The following CHST9 variants were observed in gnomAD, a reference collection of about 807,000 sequenced individuals.
CHST9 encodes the protein carbohydrate sulfotransferase 9, also known as GalNAc-4-sulfotransferase 2.
CHST9 carries 41 observed loss-of-function variants against 44.4 expected under a neutral mutation model. The observed-to-expected ratio is 0.92, with a 90% CI of 0.72 to 1.20. CHST9 has a LOEUF of 1.20. CHST9 is among the 50% of genes most tolerant of loss of function. The pLI is 0.00. For synonymous variants in CHST9, 171 were observed against 178.4 expected (o/e 0.96, Z 0.33); for missense variants, 504 against 516.5 (o/e 0.98, Z 0.23).
intron 4 of CHST9, among the ~76,000 whole-genome samples, chr18:26,968,371 G>A (rs1203782104): frequency 6.6e-6 from 1 of 152,094 alleles, no homozygotes; most frequent in Admixed American, 6.5e-5. Context: ...CTTTGAAACT[G>A]TTGGCATTGC....
chr18:27,000,742 C>T (rs2056942772), intron 4 of CHST9, among the ~76,000 whole-genome samples: 1 of 151,956 alleles, frequency 6.6e-6, no homozygotes, highest in Non-Finnish European at 1.5e-5. Flanking sequence ...TAAAATTTAC[C>T]TTTCCCCTAA....
At chr18:26,956,611 T>G (rs556338449) in intron 4 of CHST9, among the ~76,000 whole-genome samples, 99 of 152,042 alleles carry the variant, frequency 6.5e-4, no homozygotes, top group African/African-American at 2.0e-3. Flanking sequence ...ATGACAATAT[T>G]CTCTGGCCTA....
At chr18:27,006,622 C>A (rs80078691) in intron 4 of CHST9, among the ~76,000 whole-genome samples, 23,901 of 152,148 alleles carry the variant, frequency 0.16, 2,079 homozygotes, top group East Asian at 0.26. Flanking sequence ...TTCCCGTCTG[C>A]AGTTGCAGCT....
At chr18:26,977,896 G>A (rs1201020848) in intron 4 of CHST9, among the ~76,000 whole-genome samples, 1 of 152,020 alleles carries the variant, frequency 6.6e-6, no homozygotes, top group Non-Finnish European at 1.5e-5. Context: ...AGGGCATGAT[G>A]CGTGCACCAC....
intron 1 of CHST9, among the ~76,000 whole-genome samples, chr18:27,161,924 T>G (rs991483477): frequency 1.3e-5 from 2 of 151,926 alleles, no homozygotes; most frequent in African/African-American, 4.8e-5. Context: ...GAGACTAGGA[T>G]TGCAACCCCT....
chr18:27,013,060 C>A (rs900426775), intron 4 of CHST9, among the ~76,000 whole-genome samples: 7 of 152,284 alleles, frequency 4.6e-5, no homozygotes, highest in African/African-American at 1.2e-4. Context: ...AGATCTAATT[C>A]TTTCATTACT....
At chr18:27,077,193 T>G (rs1184478451) in intron 2 of CHST9, among the ~76,000 whole-genome samples, 4 of 152,228 alleles carry the variant, frequency 2.6e-5, no homozygotes, top group African/African-American at 9.6e-5. Flanking sequence ...TTTTCTTTAC[T>G]AATGTTTAGA....
intron 2 of CHST9, among the ~76,000 whole-genome samples, chr18:27,048,804 T>C (rs907060334): frequency 7.2e-5 from 11 of 152,054 alleles, no homozygotes; most frequent in Non-Finnish European, 1.3e-4. Context: ...GAAACCATTA[T>C]GGGGAAAACA....
At chr18:27,089,251 A>C (rs535575497) in intron 2 of CHST9, among the ~76,000 whole-genome samples, 4 of 151,758 alleles carry the variant, frequency 2.6e-5, no homozygotes, top group African/African-American at 9.7e-5. Flanking sequence ...CTCATCATTT[A>C]CATTAGGTAT....
At chr18:27,162,814 T>C (rs953282079) in intron 1 of CHST9, among the ~76,000 whole-genome samples, 3 of 152,254 alleles carry the variant, frequency 2.0e-5, no homozygotes, top group African/African-American at 7.2e-5. Context: ...TCTCAAGTCG[T>C]CAAAGTCATT....
At chr18:27,152,934 G>A (rs1274252049) in intron 1 of CHST9, among the ~76,000 whole-genome samples, 1 of 152,138 alleles carries the variant, frequency 6.6e-6, no homozygotes, top group South Asian at 2.1e-4. Flanking sequence ...AGATGATCAA[G>A]TTTTAGTTGT....
In CHST9 at chr18:26,937,333, C is replaced by T. The variant is rs759941048; in HGVS notation, c.240+6996G>A. Among the ~76,000 whole-genome samples, 29 of 152,258 alleles carry T rather than the reference C, an allele frequency of 1.9e-4. No individual in the cohort carries two copies. The Middle Eastern group carries it at 0.024, about 125-fold the overall frequency. ...ATGGTTAAAACACTTTGAAAAAAGA[C>T]ATACCACATCATAAAAATCTGTATT... On this transcript the variant is annotated intron_variant, in intron 5 of 5. Coordinates refer to ENST00000618847, the MANE Select transcript of CHST9 (RefSeq NM_031422.6).
intron 2 of CHST9, among the ~76,000 whole-genome samples, chr18:27,056,997 G>A (rs1247098822): frequency 6.6e-6 from 1 of 152,168 alleles, no homozygotes; most frequent in Non-Finnish European, 1.5e-5. Flanking sequence ...ATTTTAGGAT[G>A]CAGGCTTTAT....
chr18:27,106,454 A>G (rs139078365), intron 2 of CHST9, among the ~76,000 whole-genome samples: 44 of 152,236 alleles, frequency 2.9e-4, no homozygotes, highest in African/African-American at 1.0e-3. Flanking sequence ...ATTTGTTCCT[A>G]TTTTGTTGTA....
intron 2 of CHST9, among the ~76,000 whole-genome samples, chr18:27,133,085 C>T (rs1041851810): frequency 6.6e-6 from 1 of 152,208 alleles, no homozygotes; most frequent in Non-Finnish European, 1.5e-5. Flanking sequence ...GATAAATTTA[C>T]TGTGCTCATC....
intron 2 of CHST9, among the ~76,000 whole-genome samples, chr18:27,134,789 C>T (rs925834978): frequency 4.6e-5 from 7 of 151,872 alleles, no homozygotes; most frequent in African/African-American, 1.7e-4. Flanking sequence ...ATGCTGAATC[C>T]TAAATTCAGA....
At chr18:27,036,019 C>T (rs2057386954) in intron 3 of CHST9, among the ~76,000 whole-genome samples, 1 of 151,834 alleles carries the variant, frequency 6.6e-6, no homozygotes, top group African/African-American at 2.4e-5. Context: ...TCAATTATAC[C>T]TCAATGAATT....
rs541977852 is a variant in CHST9, at chr18:26,943,270, T to G, written c.240+1059A>C. Among the ~76,000 whole-genome samples the G allele has an allele frequency of 3.3e-5, 5 of 152,334 alleles. No homozygotes were observed. The East Asian group carries it at 9.6e-4, about 29-fold the overall frequency. On this transcript the variant is annotated intron_variant, in intron 5 of 5. Coordinates refer to ENST00000618847, the MANE Select transcript of CHST9 (RefSeq NM_031422.6). ...AAAACAAAATGGCACCTGATTAAAT[T>G]TTGGCTACTGAATTTGAAAAATAGT... is the stretch of plus-strand genomic sequence containing the variant.
At chr18:27,124,306 C>T (rs1282397526) in intron 2 of CHST9, among the ~76,000 whole-genome samples, 3 of 152,300 alleles carry the variant, frequency 2.0e-5, no homozygotes, top group Non-Finnish European at 4.4e-5. Context: ...CAGTTGTAAA[C>T]AGAGAGCATG....
Sources: allele counts gnomAD v4.1 joint callset (sites outside exome capture counted in the v4.1 genomes callset), GRCh38; gene constraint gnomAD v4.1.1; transcripts MANE v1.5; gene names NCBI Gene and HGNC (gene_info 2026-07-23, HGNC 2026-07-21).